Variants in CTNNA3 observed in about 807,000 individuals in gnomAD.
CTNNA3 encodes the protein catenin alpha-3.
A neutral mutation model predicts 95.7 loss-of-function variants in CTNNA3; 76 were observed. The observed-to-expected ratio is 0.79, with a 90% CI of 0.66 to 0.96. The LOEUF (loss-of-function observed/expected upper bound fraction) is 0.96. Ranked by LOEUF, CTNNA3 falls within the 40% of genes least tolerant of loss-of-function variation. CTNNA3 has a pLI of 0.00. For missense variants in CTNNA3, 1,191 were observed against 1,089.8 expected (o/e 1.09, Z -1.31); for synonymous variants, 431 against 374.4 (o/e 1.15, Z -1.74).
intron 13 of CTNNA3, among the ~76,000 whole-genome samples, chr10:66,148,768 G>A (rs1157798418): frequency 6.6e-6 from 1 of 151,968 alleles, no homozygotes; most frequent in Non-Finnish European, 1.5e-5. Context: ...AGCAGGAGCA[G>A]GTTCAGGCTA....
chr10:66,035,009 C>T (rs1216283735), intron 15 of CTNNA3, among the ~76,000 whole-genome samples: 1 of 152,150 alleles, frequency 6.6e-6, no homozygotes, highest in Non-Finnish European at 1.5e-5. Flanking sequence ...TTATACTCCA[C>T]ATTTGACCAG....
At chr10:67,167,675 T>C (rs1861836048) in intron 7 of CTNNA3, among the ~76,000 whole-genome samples, 1 of 152,156 alleles carries the variant, frequency 6.6e-6, no homozygotes, top group African/African-American at 2.4e-5. Flanking sequence ...ATATAGAAAA[T>C]TTCATTCCTT....
At chr10:66,451,475 T>G (rs1387467369) in intron 11 of CTNNA3, among the ~76,000 whole-genome samples, 3 of 152,154 alleles carry the variant, frequency 2.0e-5, no homozygotes, top group Non-Finnish European at 4.4e-5. Context: ...AATAAAAACG[T>G]ATCTTTCAGA....
At chr10:66,943,424 G>A (rs756710262) in intron 7 of CTNNA3, among the ~76,000 whole-genome samples, 3 of 151,648 alleles carry the variant, frequency 2.0e-5, no homozygotes, top group Non-Finnish European at 4.4e-5. Flanking sequence ...TCTTTTTATG[G>A]TATATCTTCA....
Position 67,581,974 on chromosome 10 carries a change from G to A in CTNNA3, c.292+24883C>T, listed in dbSNP as rs149044013. On this transcript the variant is annotated intron_variant, in intron 3 of 17. Transcript: ENST00000433211. Reference sequence around the variant, plus strand: ...TTTCTTCTTTATTTGTCTTGATAGCGGTCTATCAATTTTGTTGATCCTTTC... The same window carrying A: ...TTTCTTCTTTATTTGTCTTGATAGCAGTCTATCAATTTTGTTGATCCTTTC... Among the ~76,000 whole-genome samples the A allele has an allele frequency of 1.3e-3, 198 of 151,854 alleles. 2 individuals are homozygous for A. The East Asian group carries it at 0.019, about 14-fold the overall frequency.
intron 2 of CTNNA3, among the ~76,000 whole-genome samples, chr10:67,644,870 A>G (rs1839656925): frequency 6.6e-6 from 1 of 152,140 alleles, no homozygotes; most frequent in Non-Finnish European, 1.5e-5. Context: ...ATCAGTGACT[A>G]TTTTGAAAAC....
rs571959506 is a variant in CTNNA3 at position 67,323,398 on chromosome 10, G to C, written c.580-103528C>G. ...CATCTTGAGTTGATTTTTGTATACG[G>C]TGTAAGGAAGGGGTCCGGTTTCAAT... On this transcript the variant is annotated intron_variant, in intron 5 of 17. Coordinates refer to ENST00000433211, the MANE Select transcript of CTNNA3 (RefSeq NM_013266.4). Among the ~76,000 whole-genome samples the C allele has an allele frequency of 2.6e-5, 4 of 152,240 alleles. No individual in the cohort carries two copies. The South Asian group carries it at 8.3e-4, about 32-fold the overall frequency.
intron 7 of CTNNA3, chr10:66,926,425 T>C: frequency 1.4e-6 from 1 of 736,330 alleles, no homozygotes; most frequent in South Asian, 1.7e-5. Flanking sequence ...TGGCAAAGAA[T>C]AATGTTCCAA....
intron 7 of CTNNA3, among the ~76,000 whole-genome samples, chr10:67,034,432 T>G (rs988599645): frequency 6.6e-6 from 1 of 152,198 alleles, no homozygotes; most frequent in African/African-American, 2.4e-5. Flanking sequence ...TACTTCTATG[T>G]TGGTTTATGA....
chr10:66,953,230 C>T (rs1424105538), intron 7 of CTNNA3, among the ~76,000 whole-genome samples: 1 of 152,134 alleles, frequency 6.6e-6, no homozygotes, highest in Non-Finnish European at 1.5e-5. Context: ...ACAAATCAAT[C>T]CAGCATATCA....
At chr10:67,692,253 T>C (rs1267997969) in intron 1 of CTNNA3, among the ~76,000 whole-genome samples, 4 of 148,202 alleles carry the variant, frequency 2.7e-5, no homozygotes, top group Admixed American at 6.6e-5. Flanking sequence ...CAACAGCTCA[T>C]TGAGAACGGG....
chr10:66,205,829 C>T (rs937178879), intron 13 of CTNNA3, among the ~76,000 whole-genome samples: 2 of 151,864 alleles, frequency 1.3e-5, no homozygotes, highest in African/African-American at 4.8e-5. Flanking sequence ...TTTATGTGTA[C>T]ATCTTTTAAC....
intron 7 of CTNNA3, among the ~76,000 whole-genome samples, chr10:67,134,105 G>A (rs1860172669): frequency 6.6e-6 from 1 of 152,098 alleles, no homozygotes; most frequent in Non-Finnish European, 1.5e-5. Flanking sequence ...TAATTCCAAA[G>A]CATATACTCT....
intron 8 of CTNNA3, among the ~76,000 whole-genome samples, chr10:66,769,308 A>C (rs1291850790): frequency 6.6e-6 from 1 of 152,234 alleles, no homozygotes. Flanking sequence ...TTTAGGAGCT[A>C]GCACATGGTC....
At chr10:66,835,205 G>T (rs199563575) in intron 7 of CTNNA3, among the ~76,000 whole-genome samples, 1 of 134,852 alleles carries the variant, frequency 7.4e-6, no homozygotes, top group Non-Finnish European at 1.5e-5. Context: ...CCTCCTTAAA[G>T]AAAAATTACA....
chr10:67,375,913 G>C (rs1843669898), intron 5 of CTNNA3, among the ~76,000 whole-genome samples: 1 of 152,174 alleles, frequency 6.6e-6, no homozygotes, highest in Admixed American at 6.5e-5. Context: ...TTTGGGAGGT[G>C]ATTAGTTCAG....
chr10:66,200,485 G>A (rs956446321), intron 13 of CTNNA3, among the ~76,000 whole-genome samples: 1 of 152,180 alleles, frequency 6.6e-6, no homozygotes, highest in Admixed American at 6.5e-5. Flanking sequence ...TAAATGTACT[G>A]AAGCGGTTTG....
intron 7 of CTNNA3, among the ~76,000 whole-genome samples, chr10:66,876,915 C>T (rs1201813123): frequency 6.6e-6 from 1 of 152,130 alleles, no homozygotes; most frequent in African/African-American, 2.4e-5. Flanking sequence ...TAAACCTTTG[C>T]TTTCCTCAAG....
At chr10:66,749,202 CAAAAAAAAAA>C (rs35568730) in intron 9 of CTNNA3, among the ~76,000 whole-genome samples, 3 of 50,858 alleles carry the variant, frequency 5.9e-5, no homozygotes, top group South Asian at 1.1e-3. Flanking sequence ...AACTCCAACT[CAAAAAAAAAA>C]AAAAAAAAAA....
Sources: gnomAD v4.1 joint callset for allele counts (sites outside exome capture counted in the v4.1 genomes callset) on GRCh38, gnomAD v4.1.1 for gene constraint, MANE v1.5 for transcripts, NCBI Gene and HGNC (gene_info 2026-07-23, HGNC 2026-07-21) for gene names.